Variants in SYNE2 observed in about 807,000 individuals in gnomAD.
SYNE2 encodes nesprin-2.
In SYNE2, 431 loss-of-function variants were observed where a neutral mutation model predicts 856.3. That is an observed-to-expected ratio of 0.50 (90% confidence interval 0.47 to 0.55). The LOEUF (loss-of-function observed/expected upper bound fraction) is 0.55. Ranked by LOEUF, SYNE2 falls within the 20% of genes least tolerant of loss-of-function variation. The probability of loss-of-function intolerance (pLI) is 0.00; values close to 1 mark genes in which losing one functional copy is unlikely to be tolerated. For synonymous variants in SYNE2, 2,923 were observed against 2,872.3 expected (o/e 1.02, Z -0.56); for missense variants, 8,129 against 8,023.2 (o/e 1.01, Z -0.50).
chr14:63,959,873 G>T (rs2096288047), intron 8 of SYNE2, among the ~76,000 whole-genome samples: 1 of 151,568 alleles, frequency 6.6e-6, no homozygotes. Flanking sequence ...ATTTTTGTAT[G>T]TACAAATAAC....
intron 1 of SYNE2, among the ~76,000 whole-genome samples, chr14:63,906,938 G>A (rs2095416028): frequency 6.6e-6 from 1 of 152,126 alleles, no homozygotes; most frequent in Non-Finnish European, 1.5e-5. Context: ...TGGTAGAACG[G>A]GTAAGGAGTC....
At chr14:64,093,308 G>T in intron 60 of SYNE2, 41 bp from the exon 61 acceptor site, 1 of 1,610,808 alleles carries the variant, frequency 6.2e-7, no homozygotes, top group South Asian at 1.1e-5. Context: ...AATCTGCTTA[G>T]ATTATGACAA....
chr14:63,901,202 G>A (rs1054698244), intron 1 of SYNE2, among the ~76,000 whole-genome samples: 1 of 152,202 alleles, frequency 6.6e-6, no homozygotes, highest in Non-Finnish European at 1.5e-5. Context: ...GACTTTGGGA[G>A]TAGTTTTTAG....
intron 1 of SYNE2, among the ~76,000 whole-genome samples, chr14:63,793,762 C>CT (rs1000422486): frequency 1.1e-4 from 8 of 70,062 alleles, no homozygotes; most frequent in African/African-American, 7.0e-4. Context: ...CAAAATGAGG[C>CT]CCCCCCCCAA....
intron 10 of SYNE2, among the ~76,000 whole-genome samples, chr14:63,964,480 C>A (rs1233732935): frequency 6.6e-6 from 1 of 152,114 alleles, no homozygotes; most frequent in African/African-American, 2.4e-5. Context: ...TTTCCAATCC[C>A]TGGTTTAAAG....
intron 47 of SYNE2, among the ~76,000 whole-genome samples, chr14:64,050,796 A>G (rs1595144567): frequency 6.6e-6 from 1 of 152,164 alleles, no homozygotes; most frequent in Non-Finnish European, 1.5e-5. Context: ...AGGCAGGTGG[A>G]TCACTTAAGG....
intron 1 of SYNE2, among the ~76,000 whole-genome samples, chr14:63,822,283 T>A (rs1889250922): frequency 6.6e-6 from 1 of 152,164 alleles, no homozygotes; most frequent in Non-Finnish European, 1.5e-5. Context: ...TTTGTAGCTT[T>A]TAAGTTACAC....
chr14:64,159,785 C>G (rs1267412198), intron 87 of SYNE2, among the ~76,000 whole-genome samples: 1 of 152,146 alleles, frequency 6.6e-6, no homozygotes, highest in African/African-American at 2.4e-5. Context: ...GATGGGCATC[C>G]TGCAGGGGGT....
Position 64,171,251 on chromosome 14 carries a change from C to T in SYNE2, c.17235+789C>T, listed in dbSNP as rs528902033. Among the ~76,000 whole-genome samples the T allele has an allele frequency of 9.8e-5, 15 of 152,308 alleles. 1 individual carries two copies. The highest frequency in any genetic ancestry group is 3.6e-4 in the African/African-American group (15 of 41,572). ...TAGAGAAGCCTCTCAACAAACACCA[C>T]CCTCCTGAAATCCTGTACAGCCCTC... On this transcript the variant is annotated intron_variant, in intron 94 of 115. Coordinates refer to ENST00000555002, the MANE Select transcript of SYNE2 (RefSeq NM_182914.3).
At chr14:64,028,484 G>A (rs1213166571) in intron 43 of SYNE2, among the ~76,000 whole-genome samples, 2 of 151,966 alleles carry the variant, frequency 1.3e-5, no homozygotes, top group Admixed American at 6.6e-5. Flanking sequence ...AGACCTCCTG[G>A]CCTTATATAA....
chr14:63,827,901 A>G (rs1188538277), intron 1 of SYNE2, among the ~76,000 whole-genome samples: 1 of 151,398 alleles, frequency 6.6e-6, no homozygotes, highest in Non-Finnish European at 1.5e-5. Context: ...AGCAGATTGA[A>G]AATATTTGGG....
At chr14:63,957,146 G>A (rs1229665314) in intron 8 of SYNE2, among the ~76,000 whole-genome samples, 3 of 149,324 alleles carry the variant, frequency 2.0e-5, no homozygotes, top group Non-Finnish European at 3.0e-5. Flanking sequence ...CAGAGTCTTC[G>A]CTGTGTTGCC....
At chr14:64,167,745 A>G (rs1410065072) in intron 92 of SYNE2, 106 bp downstream of exon 92, 1 of 1,481,992 alleles carries the variant, frequency 6.7e-7, no homozygotes, top group Non-Finnish European at 9.3e-7. Flanking sequence ...GTCCCTAAAC[A>G]CAGAATGTAT....
chr14:64,218,283 C>T lies in SYNE2; in HGVS notation c.19543-115C>T, dbSNP rs568675025. The T allele has an allele frequency of 6.4e-6, 6 of 944,068 alleles. 1 individual carries two copies. Among genetic ancestry groups the T allele is most frequent in the South Asian group, 5.6e-5 (4 of 71,662 alleles). 58.5% of individuals were successfully genotyped at this position (944,068 alleles called of 1,614,324 possible). A position where few individuals can be genotyped will look rare whatever the true frequency, so the allele number is the denominator to read the frequency against. On this transcript the variant is annotated intron_variant, in intron 108 of 115. Coordinates refer to ENST00000555002, the MANE Select transcript of SYNE2 (RefSeq NM_182914.3). ...ACCACTGTATTCCTAGCAAGATACC[C>T]TTCAAAGGAAAGGGGCCCATCTCAT...
chr14:64,182,431 T>TCGCAGAGGGGGATTTGG (rs1156877785), intron 96 of SYNE2, among the ~76,000 whole-genome samples: 2 of 152,170 alleles, frequency 1.3e-5, no homozygotes, highest in Non-Finnish European at 2.9e-5. Flanking sequence ...TGGGTGTTTC[T>TCGCAGAGGGGGATTTGG]CGCAGAGGGG....
chr14:64,190,838 G>A (rs530706808), intron 99 of SYNE2: 63 of 688,918 alleles, frequency 9.1e-5, no homozygotes, highest in Non-Finnish European at 1.1e-4. Flanking sequence ...CAGAAATAGC[G>A]CTGATAATTT....
intron 1 of SYNE2, among the ~76,000 whole-genome samples, chr14:63,784,542 G>T (rs551683839): frequency 6.6e-6 from 1 of 151,976 alleles, no homozygotes; most frequent in Non-Finnish European, 1.5e-5. Flanking sequence ...TTGTTTGTTT[G>T]TAGAGATGGG....
At chr14:64,081,418 G>A (rs768731264) in intron 56 of SYNE2, 25 bp from the exon 57 acceptor site, 5 of 1,613,954 alleles carry the variant, frequency 3.1e-6, no homozygotes, top group Non-Finnish European at 3.4e-6. Context: ...ATCTGACTAA[G>A]TTTGGTCCTG....
Position 64,166,972 on chromosome 14 carries a change from C to T in SYNE2, c.16606-261C>T, listed in dbSNP as rs117254491. ...AAAAAAGCCTATTTTCTGTATTCTT[C>T]GGTGACAAAATCTGAGATAACTTTC... On this transcript the variant is annotated intron_variant, in intron 90 of 115. Coordinates refer to ENST00000555002, the MANE Select transcript of SYNE2 (RefSeq NM_182914.3). The T allele has an allele frequency of 0.037, 19,144 of 522,322 alleles. 518 individuals are homozygous for T. The highest frequency in any genetic ancestry group is 0.05 in the Non-Finnish European group (14,662 of 291,686). 32.4% of individuals were successfully genotyped at this position (522,322 alleles called of 1,614,324 possible).
Sources: allele counts gnomAD v4.1 joint callset (sites outside exome capture counted in the v4.1 genomes callset), GRCh38; gene constraint gnomAD v4.1.1; transcripts MANE v1.5; gene names NCBI Gene and HGNC (gene_info 2026-07-23, HGNC 2026-07-21).